The following PCDH11Y variants were observed in gnomAD, a reference collection of about 807,000 sequenced individuals.
The protein encoded by PCDH11Y is protocadherin-11 Y-linked.
For missense variants in PCDH11Y, 12 were observed against 224.8 expected, an observed-to-expected ratio of 0.05 and a Z score of 6.05; for synonymous variants, 9 against 83.6, an observed-to-expected ratio of 0.11 and a Z score of 4.87.
At chrY:5,199,356 C>T (rs2052924563) in intron 2 of PCDH11Y, among the ~76,000 whole-genome samples, 2 of 30,365 alleles carry the variant, frequency 6.6e-5, no homozygotes, top group Admixed American at 3.0e-4. Context: ...GGCCCGATCT[C>T]GGCTCACTGC....
At chrY:5,715,415 A>T in intron 4 of PCDH11Y, among the ~76,000 whole-genome samples, 1 of 32,095 alleles carries the variant, frequency 3.1e-5, no homozygotes, top group Admixed American at 2.9e-4. Flanking sequence ...AATAAGGTGA[A>T]TAAAAGCCAA....
intron 2 of PCDH11Y, among the ~76,000 whole-genome samples, chrY:5,415,508 A>G: frequency 6.5e-5 from 2 of 30,997 alleles, no homozygotes; most frequent in Non-Finnish European, 1.6e-4. Flanking sequence ...CAGGCACCCC[A>G]TTTGAGTATT....
At chrY:5,000,858 A>G (rs2052529464) in intron 1 of PCDH11Y, among the ~76,000 whole-genome samples, 1 of 32,778 alleles carries the variant, frequency 3.1e-5, no homozygotes, top group Non-Finnish European at 7.5e-5. Context: ...ACTTTGGGAA[A>G]ACTCTCACTT....
At chrY:5,230,431 G>GA in intron 2 of PCDH11Y, among the ~76,000 whole-genome samples, 3 of 32,942 alleles carry the variant, frequency 9.1e-5, no homozygotes, top group Admixed American at 8.4e-4. Flanking sequence ...TAGGGTAAAA[G>GA]TTTTTTTTCC....
intron 4 of PCDH11Y, among the ~76,000 whole-genome samples, chrY:5,603,685 CAGAA>C (rs2053474944): frequency 1.0e-4 from 3 of 29,958 alleles, no homozygotes; most frequent in East Asian, 1.8e-3. Context: ...AGCCAGATGT[CAGAA>C]AGAGAGTCCA....
At chrY:5,366,538 T>A in intron 2 of PCDH11Y, among the ~76,000 whole-genome samples, 1 of 32,865 alleles carries the variant, frequency 3.0e-5, no homozygotes, top group Admixed American at 2.9e-4. Flanking sequence ...TGTTATTGTT[T>A]GAGTAAATCT....
At chrY:5,160,675 C>G in intron 2 of PCDH11Y, among the ~76,000 whole-genome samples, 2 of 31,544 alleles carry the variant, frequency 6.3e-5, no homozygotes, top group African/African-American at 2.4e-4. Flanking sequence ...ATAGTCTGAG[C>G]ACTTTTTCTA....
intron 2 of PCDH11Y, among the ~76,000 whole-genome samples, chrY:5,417,840 C>CA (rs2053254247): frequency 1.6e-4 from 5 of 31,989 alleles, no homozygotes; most frequent in East Asian, 8.1e-4. Context: ...CACTATCTGA[C>CA]AAAAAAAATG....
At chrY:5,494,787 G>A (rs1602933797) in intron 2 of PCDH11Y, among the ~76,000 whole-genome samples, 4 of 33,392 alleles carry the variant, frequency 1.2e-4, no homozygotes, top group Non-Finnish European at 1.5e-4. Context: ...AGTGGCTCAC[G>A]CCTGTAATCT....
intron 2 of PCDH11Y, among the ~76,000 whole-genome samples, chrY:5,372,526 C>T: frequency 3.2e-5 from 1 of 31,555 alleles, no homozygotes; most frequent in East Asian, 8.4e-4. Flanking sequence ...GACAATAAAT[C>T]AGTGATTAAT....
chrY:5,560,291 G>T, intron 3 of PCDH11Y, among the ~76,000 whole-genome samples: 1 of 33,579 alleles, frequency 3.0e-5, no homozygotes, highest in Non-Finnish European at 7.3e-5. Flanking sequence ...AGATATAAAA[G>T]TTCAGAAATT....
intron 2 of PCDH11Y, among the ~76,000 whole-genome samples, chrY:5,246,353 G>C: frequency 6.2e-5 from 2 of 32,256 alleles, no homozygotes; most frequent in African/African-American, 1.2e-4. Context: ...CACCTACAAA[G>C]GGAAGCCCAT....
intron 4 of PCDH11Y, among the ~76,000 whole-genome samples, chrY:5,695,832 T>C: frequency 3.2e-5 from 1 of 31,176 alleles, no homozygotes; most frequent in African/African-American, 1.2e-4. Flanking sequence ...TATCTTATTG[T>C]ACTGTCTATG....
At chrY:5,143,765 G>C in intron 2 of PCDH11Y, among the ~76,000 whole-genome samples, 1 of 33,060 alleles carries the variant, frequency 3.0e-5, no homozygotes, top group African/African-American at 1.2e-4. Flanking sequence ...ATGGGAATGA[G>C]CCCTATAGCA....
At chrY:5,225,771 C>A (rs2052959392) in intron 2 of PCDH11Y, among the ~76,000 whole-genome samples, 1 of 32,269 alleles carries the variant, frequency 3.1e-5, no homozygotes, top group Non-Finnish European at 7.5e-5. Flanking sequence ...TCTCCACATC[C>A]TCCCCAGCAT....
exon 1 of PCDH11Y, chrY:5,056,358 T>C: frequency 4.5e-6 from 1 of 221,751 alleles, no homozygotes; most frequent in Non-Finnish European, 5.4e-6. Context: ...TATTAGTCCC[T>C]CCTTTATAAT....
intron 4 of PCDH11Y, among the ~76,000 whole-genome samples, chrY:5,672,856 T>C: frequency 3.1e-5 from 1 of 32,165 alleles, no homozygotes; most frequent in Admixed American, 2.9e-4. Context: ...CATTAGATTG[T>C]TTATTTGAAG....
intron 4 of PCDH11Y, among the ~76,000 whole-genome samples, chrY:5,598,473 A>T: frequency 3.0e-5 from 1 of 33,030 alleles, no homozygotes; most frequent in Non-Finnish European, 7.5e-5. Flanking sequence ...AAGCACATTT[A>T]CAATGAAGAA....
At chrY:5,516,461 G>A in intron 3 of PCDH11Y, among the ~76,000 whole-genome samples, 7 of 30,310 alleles carry the variant, frequency 2.3e-4, no homozygotes, top group African/African-American at 9.1e-4. Context: ...TCTTAAATTA[G>A]TCTTAATTAT....
Sources: allele counts gnomAD v4.1 joint callset (sites outside exome capture counted in the v4.1 genomes callset), GRCh38; gene constraint gnomAD v4.1.1; transcripts MANE v1.5; gene names NCBI Gene and HGNC (gene_info 2026-07-23, HGNC 2026-07-21).